The following PDZD9 variants were observed in gnomAD, a reference collection of about 807,000 sequenced individuals.
The protein encoded by PDZD9 is PDZ domain containing 9.
PDZD9 carries 13 observed loss-of-function variants against 16.3 expected under a neutral mutation model. The observed-to-expected ratio is 0.80, with a 90% CI of 0.52 to 1.27. The LOEUF is 1.27. Ranked by LOEUF, PDZD9 falls within the 50% of genes most tolerant of loss-of-function variation. The pLI is 0.00. For synonymous variants in PDZD9, 120 were observed against 111.0 expected, an observed-to-expected ratio of 1.08 and a Z score of -0.51; for missense variants, 288 against 310.9, an observed-to-expected ratio of 0.93 and a Z score of 0.55.
chr16:21,963,686 C>G, the PDZD9 span, among the ~76,000 whole-genome samples: 1 of 152,006 alleles, frequency 6.6e-6, no homozygotes, highest in African/African-American at 2.4e-5. Context: ...CCAGGCTGGT[C>G]TCGAACTCCT....
At chr16:21,961,626 T>TATATA in the PDZD9 span, among the ~76,000 whole-genome samples, 1 of 64,476 alleles carries the variant, frequency 1.6e-5, no homozygotes, top group Non-Finnish European at 4.3e-5. Flanking sequence ...AACATAAAAT[T>TATATA]TATATATATA....
At chr16:21,994,800 C>G (rs1169578535) in intron 2 of PDZD9, among the ~76,000 whole-genome samples, 1 of 151,966 alleles carries the variant, frequency 6.6e-6, no homozygotes, top group Non-Finnish European at 1.5e-5. Context: ...ACAAGGAACT[C>G]AATCTCACTG....
At chr16:21,981,652 G>C (rs2141950425), downstream of PDZD9, among the ~76,000 whole-genome samples, 1 of 151,812 alleles carries the variant, frequency 6.6e-6, no homozygotes, top group African/African-American at 2.4e-5. Context: ...CTACTCAGGA[G>C]CTCATGGGGC....
At chr16:21,992,418 T>C (rs1348043287) in intron 2 of PDZD9, among the ~76,000 whole-genome samples, 1 of 152,182 alleles carries the variant, frequency 6.6e-6, no homozygotes, top group Admixed American at 6.5e-5. Flanking sequence ...CAAAGTATTG[T>C]TTCTGGGTGT....
chr16:21,975,815 G>A, the PDZD9 span, among the ~76,000 whole-genome samples: 1 of 152,168 alleles, frequency 6.6e-6, no homozygotes, highest in South Asian at 2.1e-4. Context: ...GTTTGGCCGG[G>A]TGTGGTGGCT....
the PDZD9 span, chr16:21,968,478 G>A: frequency 1.9e-6 from 1 of 519,576 alleles, no homozygotes; most frequent in African/African-American, 2.0e-5. Flanking sequence ...AAATCCCAGG[G>A]TAATTCACCT....
chr16:21,961,432 AGT>A, the PDZD9 span: 1 of 289,172 alleles, frequency 3.5e-6, no homozygotes, highest in Middle Eastern at 4.0e-4. Flanking sequence ...GGCAAAATAG[AGT>A]GTGAACAAGC....
intron 2 of PDZD9, among the ~76,000 whole-genome samples, chr16:21,990,481 ATACT>A (rs997098933): frequency 2.0e-5 from 3 of 152,214 alleles, no homozygotes; most frequent in Non-Finnish European, 4.4e-5. Flanking sequence ...CAGAAAACAA[ATACT>A]TACAAGGGTG....
chr16:21,967,995 T>C, the PDZD9 span, among the ~76,000 whole-genome samples: 1 of 151,740 alleles, frequency 6.6e-6, no homozygotes, highest in African/African-American at 2.4e-5. Context: ...AATTTCTTTT[T>C]ATTCCTTTTT....
At chr16:21,994,581 G>A (rs1899100093) in intron 2 of PDZD9, among the ~76,000 whole-genome samples, 1 of 152,220 alleles carries the variant, frequency 6.6e-6, no homozygotes, top group Non-Finnish European at 1.5e-5. Context: ...GTGACCATGG[G>A]AGAGTTACTA....
In PDZD9 at chr16:21,984,461, C is replaced by A. The variant is rs988352160; in HGVS notation, c.601G>T (p.Asp201Tyr). 10 of 1,613,672 alleles carry A rather than the reference C, an allele frequency of 6.2e-6. No homozygotes were observed. Among genetic ancestry groups the A allele is most frequent in the South Asian group, 2.2e-5 (2 of 91,062 alleles). The change falls in exon 4 of 4, where the codon GAC becomes TAC. Residue 201 changes from aspartate (D) to tyrosine (Y), a missense_variant. Coordinates refer to ENST00000424898, the MANE Select transcript of PDZD9 (RefSeq NM_001363519.1). ...TGAATCATCACGTCACAATTAATGT[C>A]TTTTCCTACACTAATAGTATGGTTC... ...KKNHTISVGK[D>Y]INCDVMIHRD...
chr16:21,979,032 A>T (rs562286425), downstream of PDZD9, among the ~76,000 whole-genome samples: 144 of 152,356 alleles, frequency 9.5e-4, 2 homozygotes, highest in Middle Eastern at 0.017. Flanking sequence ...AGAATCTTCA[A>T]ACTACAAGCA....
intron 1 of PDZD9, among the ~76,000 whole-genome samples, chr16:21,997,867 C>A (rs1323180769): frequency 1.3e-5 from 2 of 152,116 alleles, no homozygotes; most frequent in African/African-American, 2.4e-5. Context: ...AGGTGACACA[C>A]AAGCTTGCCA....
In PDZD9 at chr16:21,984,529, C is replaced by G; in HGVS notation, c.533G>C (p.Arg178Thr). ...CCAGTCTCTGGAGATGGATATTGGT[C>G]TCCTTGCAGGGTGATGCACAGTTGA... The part of the protein sequence containing the change: ...PWSTVHHPAR[R>T]PISISRDWHG... The change falls in exon 4 of 4, where the codon AGA (arginine) becomes ACA (threonine). Residue 178 changes from arginine (R) to threonine (T), a missense_variant. Physicochemically the swap from Arg to Thr is moderately conservative, Grantham distance 71. Transcript: ENST00000424898. 6.2e-7 allele frequency: 1 copy of G among 1,607,308 alleles called. No individual in the cohort carries two copies. The highest frequency in any genetic ancestry group is 8.5e-7 in the Non-Finnish European group (1 of 1,174,266).
intron 2 of PDZD9, chr16:21,995,165 A>T (rs370989318): frequency 1.1e-5 from 5 of 449,512 alleles, no homozygotes; most frequent in Admixed American, 2.4e-5. Context: ...TTCTTATGAG[A>T]TCTGGTTGTT....
chr16:21,967,814 A>G, the PDZD9 span, among the ~76,000 whole-genome samples: 2 of 152,130 alleles, frequency 1.3e-5, no homozygotes, highest in Non-Finnish European at 2.9e-5. Flanking sequence ...GATTGGCTTC[A>G]AAGATGGACG....
the PDZD9 span, among the ~76,000 whole-genome samples, chr16:21,960,355 T>C: frequency 1.1e-4 from 17 of 152,348 alleles, no homozygotes; most frequent in East Asian, 3.3e-3. Flanking sequence ...TTCAGACTTT[T>C]CTTCTGCATC....
In PDZD9 at chr16:21,995,181, G is replaced by C. The variant is rs375497480; in HGVS notation, c.211+1141C>G. 10 of 454,152 alleles carry C rather than the reference G, an allele frequency of 2.2e-5. 1 individual carries two copies. Among genetic ancestry groups the C allele is most frequent in the Middle Eastern group, 1.4e-3 (2 of 1,436 alleles). 28.1% of individuals were successfully genotyped at this position (454,152 alleles called of 1,614,324 possible). Reference sequence around the variant, plus strand: ...TCTTATGAGATCTGGTTGTTTAAACGTGTGTAGCACCTCCCCCTACTCTCT... The same window carrying C: ...TCTTATGAGATCTGGTTGTTTAAACCTGTGTAGCACCTCCCCCTACTCTCT... On this transcript the variant is annotated intron_variant, in intron 2 of 3. Transcript: ENST00000424898.
the PDZD9 span, among the ~76,000 whole-genome samples, chr16:21,961,770 G>T: frequency 3.3e-5 from 5 of 150,242 alleles, no homozygotes; most frequent in African/African-American, 9.8e-5. Context: ...TCCTGCCTCA[G>T]CCTCCGTGGT....
Sources: gnomAD v4.1 joint callset for allele counts (sites outside exome capture counted in the v4.1 genomes callset) on GRCh38, gnomAD v4.1.1 for gene constraint, MANE v1.5 for transcripts, NCBI Gene and HGNC (gene_info 2026-07-23, HGNC 2026-07-21) for gene names.